Variants in HIVEP3 observed in about 807,000 individuals in gnomAD.
HIVEP3 encodes HIVEP zinc finger 3, also known as transcription factor HIVEP3.
Under a neutral mutation model 152.8 loss-of-function variants are expected in HIVEP3, and 49 were observed. The ratio of observed to expected loss-of-function variants is 0.32; its 90% CI spans 0.26 to 0.41. The LOEUF (loss-of-function observed/expected upper bound fraction) is 0.41, where lower values mean the gene tolerates loss of function less well. Ranked by LOEUF, HIVEP3 falls within the 10% of genes least tolerant of loss-of-function variation. The probability of loss-of-function intolerance (pLI) is 1.00; values close to 1 mark genes in which losing one functional copy is unlikely to be tolerated. For synonymous variants in HIVEP3, 1,269 were observed against 1,289.0 expected, an observed-to-expected ratio of 0.98 and a Z score of 0.33; for missense variants, 2,790 against 3,103.3, an observed-to-expected ratio of 0.90 and a Z score of 2.40.
intron 2 of HIVEP3, among the ~76,000 whole-genome samples, chr1:41,675,576 G>A (rs1645941718): frequency 6.6e-6 from 1 of 152,162 alleles, no homozygotes; most frequent in Non-Finnish European, 1.5e-5. Context: ...TGCTCACCAT[G>A]GAATCTCCAG....
chr1:41,908,562 G>A (rs936802588), intron 1 of HIVEP3, among the ~76,000 whole-genome samples: 1 of 152,132 alleles, frequency 6.6e-6, no homozygotes, highest in Non-Finnish European at 1.5e-5. Context: ...AATAGACTTG[G>A]CATAGTCTTT....
chr1:41,978,060 C>T (rs1304766787), intron 1 of HIVEP3, among the ~76,000 whole-genome samples: 1 of 152,106 alleles, frequency 6.6e-6, no homozygotes, highest in South Asian at 2.1e-4. Flanking sequence ...TTTATTCCTA[C>T]TTTTTTTTCC....
At chr1:41,916,972 A>G (rs898489939) in intron 1 of HIVEP3, among the ~76,000 whole-genome samples, 4 of 152,122 alleles carry the variant, frequency 2.6e-5, no homozygotes, top group African/African-American at 9.7e-5. Context: ...GAGACACAGG[A>G]GGGTCTTCAG....
rs114494308 is a variant in HIVEP3, at chr1:41,916,681, C to T, written c.-801+1732G>A. On this transcript the variant is annotated intron_variant, in intron 1 of 8. Transcript: ENST00000372583. Reference sequence around the variant, plus strand: ...AAGAGCATATGTCAAACAGCTCAGACGGCATCTGAGGTCTATTCTTCAGCC... The same window carrying T: ...AAGAGCATATGTCAAACAGCTCAGATGGCATCTGAGGTCTATTCTTCAGCC... 4.5e-3 allele frequency among the ~76,000 whole-genome samples: 681 copies of T among 152,304 alleles called. 5 individuals carry two copies. Among genetic ancestry groups the T allele is most frequent in the African/African-American group, 0.016 (648 of 41,546 alleles).
chr1:41,789,253 A>G lies in HIVEP3; in HGVS notation c.-800-88258T>C, dbSNP rs377203699. Among the ~76,000 whole-genome samples the G allele has an allele frequency of 7.6e-4, 115 of 152,314 alleles. 1 individual carries two copies. Among genetic ancestry groups the G allele is most frequent in the African/African-American group, 2.6e-3 (109 of 41,572 alleles). ...AAGACTGTTTTAGGTGGATGTAGCCATATGATTGTGGGCATGTTATGTAAC... is the reference window on the plus strand; with the variant it reads ...AAGACTGTTTTAGGTGGATGTAGCCGTATGATTGTGGGCATGTTATGTAAC... On this transcript the variant is annotated intron_variant, in intron 1 of 8. Transcript: ENST00000372583.
intron 3 of HIVEP3, among the ~76,000 whole-genome samples, chr1:41,597,210 C>T (rs557448295): frequency 1.3e-5 from 2 of 152,118 alleles, no homozygotes; most frequent in African/African-American, 4.8e-5. Context: ...TATTTGTCTT[C>T]CTGTTAGAGA....
intron 1 of HIVEP3, among the ~76,000 whole-genome samples, chr1:41,966,357 G>A (rs778162097): frequency 7.9e-5 from 12 of 151,964 alleles, no homozygotes; most frequent in Non-Finnish European, 1.5e-4. Flanking sequence ...TCATGATGAC[G>A]GGATCAAATT....
chr1:41,795,594 A>G (rs1357065651), intron 1 of HIVEP3, among the ~76,000 whole-genome samples: 1 of 152,238 alleles, frequency 6.6e-6, no homozygotes, highest in Non-Finnish European at 1.5e-5. Context: ...GGAGTAGTAT[A>G]TATCTAGAAT....
At chr1:41,851,603 G>C (rs779867507) in intron 1 of HIVEP3, among the ~76,000 whole-genome samples, 27 of 152,144 alleles carry the variant, frequency 1.8e-4, no homozygotes, top group Non-Finnish European at 3.2e-4. Flanking sequence ...GTCCAGATGA[G>C]AGCACCTTCT....
intron 5 of HIVEP3, among the ~76,000 whole-genome samples, chr1:41,563,948 C>T (rs1234826445): frequency 6.6e-6 from 1 of 152,068 alleles, no homozygotes; most frequent in East Asian, 1.9e-4. Flanking sequence ...AAAAACTCCA[C>T]CTTGGGAGGC....
intron 3 of HIVEP3, among the ~76,000 whole-genome samples, chr1:41,586,560 C>T (rs185168562): frequency 6.0e-4 from 84 of 140,008 alleles, no homozygotes; most frequent in Admixed American, 5.8e-3. Flanking sequence ...GCCCTACCCC[C>T]GGCATCCTGC....
chr1:41,928,755 C>T (rs567687171), intron 1 of HIVEP3, among the ~76,000 whole-genome samples: 27 of 152,160 alleles, frequency 1.8e-4, no homozygotes, highest in Admixed American at 3.9e-4. Context: ...GATGTTTTTT[C>T]GTGATTAAAC....
intron 5 of HIVEP3, among the ~76,000 whole-genome samples, chr1:41,530,101 G>C (rs1569775089): frequency 1.3e-5 from 2 of 152,022 alleles, no homozygotes; most frequent in East Asian, 3.9e-4. Flanking sequence ...AGTACAGGTG[G>C]ACCCTGTTTT....
At chr1:42,027,224 A>T (rs1645587176) in intron 1 of HIVEP3, among the ~76,000 whole-genome samples, 1 of 152,196 alleles carries the variant, frequency 6.6e-6, no homozygotes, top group South Asian at 2.1e-4. Context: ...ACATTGGCAA[A>T]TTCTGTCAAT....
intron 1 of HIVEP3, among the ~76,000 whole-genome samples, chr1:41,755,954 C>T (rs1206240480): frequency 6.6e-6 from 1 of 152,184 alleles, no homozygotes; most frequent in Non-Finnish European, 1.5e-5. Flanking sequence ...ATACAGTTAG[C>T]ATAAGACCTG....
At chr1:41,744,955 G>A (rs550764010) in intron 1 of HIVEP3, among the ~76,000 whole-genome samples, 99 of 152,338 alleles carry the variant, frequency 6.5e-4, no homozygotes, top group African/African-American at 2.4e-3. Context: ...CAGAGGCTGA[G>A]GAAGTCAAGA....
In HIVEP3 at chr1:41,986,643, T is replaced by G. The variant is rs1259626790; in HGVS notation, n.119+49164A>C. ...TTTTAGTAGAGACAGGGTTTCACCG[T>G]GTTAGCCAGGATGGTCTCGATCTCC... On this transcript the variant is annotated intron_variant and non_coding_transcript_variant, in intron 1 of 3. Coordinates refer to the HIVEP3 transcript ENST00000489103. 2.0e-5 allele frequency among the ~76,000 whole-genome samples: 3 copies of G among 152,218 alleles called. No individual in the cohort carries two copies. The East Asian group carries it at 5.8e-4, about 29-fold the overall frequency.
Position 41,653,953 on chromosome 1 carries a change from CAAAAAAAAAAAAAAA to C in HIVEP3, c.-720-25021_-720-25007del, listed in dbSNP as rs55707109. ...CCCTGGGCCTAAATATTTTCTACTG[CAAAAAAAAAAAAAAA>C]AAAAAAAAAAAAAACCAGATTACCT... On this transcript the variant is annotated intron_variant, in intron 2 of 8. Coordinates refer to ENST00000372583, the MANE Select transcript of HIVEP3 (RefSeq NM_024503.5). Among the ~76,000 whole-genome samples, 131 of 46,236 alleles carry C rather than the reference CAAAAAAAAAAAAAAA, an allele frequency of 2.8e-3. 2 individuals carry two copies. The highest frequency in any genetic ancestry group is 7.9e-3 in the African/African-American group (86 of 10,882). 30.3% of individuals were successfully genotyped at this position (46,236 alleles called of 152,430 possible).
In HIVEP3 at chr1:41,511,306, A is replaced by G. The variant is rs137913681; in HGVS notation, c.6406-40T>C. The G allele has an allele frequency of 5.7e-4, 864 of 1,506,972 alleles. 2 individuals carry two copies. The highest frequency in any genetic ancestry group is 6.1e-4 in the Non-Finnish European group (684 of 1,118,308). 93.4% of individuals were successfully genotyped at this position (1,506,972 alleles called of 1,614,324 possible). A position where few individuals can be genotyped will look rare whatever the true frequency, so the allele number is the denominator to read the frequency against. On this transcript the variant is annotated intron_variant, in intron 8 of 8. Transcript: ENST00000372583. This position sits in a 1 kb window ranked among gnomAD's most constrained non-coding sequence, Gnocchi z 4.9. ...CAAGACAAGGTAAGGTGAAGGTTAC[A>G]TGCTGGGCACATGGGGAGCCGAGGC...
Sources: gnomAD v4.1 joint callset for allele counts (sites outside exome capture counted in the v4.1 genomes callset) on GRCh38, gnomAD v4.1.1 for gene constraint, Gnocchi (gnomAD v3.1) non-coding constraint, MANE v1.5 for transcripts, NCBI Gene and HGNC (gene_info 2026-07-23, HGNC 2026-07-21) for gene names.